RIN3: variants seen among roughly 807,000 people sequenced by gnomAD.
RIN3 encodes the protein RAB5 interacting protein 3.
Under a neutral mutation model 76.3 loss-of-function variants are expected in RIN3, and 54 were observed. The observed-to-expected ratio is 0.71, with a 90% CI of 0.57 to 0.89. The LOEUF is 0.89. RIN3 is among the 40% of genes least tolerant of loss of function. RIN3 has a pLI of 0.00. For synonymous variants in RIN3, 576 were observed against 564.0 expected, an observed-to-expected ratio of 1.02 and a Z score of -0.30; for missense variants, 1,256 against 1,322.1, an observed-to-expected ratio of 0.95 and a Z score of 0.78.
intron 1 of RIN3, among the ~76,000 whole-genome samples, chr14:92,543,532 C>A (rs1049341827): frequency 6.6e-6 from 1 of 151,426 alleles, no homozygotes; most frequent in African/African-American, 2.4e-5. Context: ...AGGTGCAAAC[C>A]TTTAGAGAGC....
intron 4 of RIN3, among the ~76,000 whole-genome samples, chr14:92,626,200 C>A (rs1886346120): frequency 6.6e-6 from 1 of 152,154 alleles, no homozygotes; most frequent in African/African-American, 2.4e-5. Context: ...TTGTTATTAT[C>A]CCATTGAGGA....
rs1051459457 is a variant in RIN3, at chr14:92,513,960, C to G, written c.28C>G (p.Arg10Gly). The change falls in exon 1 of 10, where the codon CGC becomes GGC. Residue 10 changes from arginine to glycine, a missense_variant. Around this residue, in one of 3 missense-constraint regions of RIN3, gnomAD observed 610 missense variants for 626.4 expected, o/e 0.97. Transcript: ENST00000216487. ...GATCCGACACGCCGGGGCGCCCGCG[C>G]GCGGGGACCCCACGGGGTAAGTCCG... MIRHAGAPA[R>G]GDPTGPVPVV... 1.6e-6 allele frequency: 2 copies of G among 1,243,860 alleles called. No homozygotes were observed. Among genetic ancestry groups the G allele is most frequent in the African/African-American group, 1.6e-5 (1 of 63,980 alleles). 77.1% of individuals were successfully genotyped at this position (1,243,860 alleles called of 1,614,324 possible). A position where few individuals can be genotyped will look rare whatever the true frequency, so the allele number is the denominator to read the frequency against.
At chr14:92,557,230 TAGG>T in intron 2 of RIN3, among the ~76,000 whole-genome samples, 1 of 152,318 alleles carries the variant, frequency 6.6e-6, no homozygotes, top group Non-Finnish European at 1.5e-5. Flanking sequence ...CCCTAGGAGG[TAGG>T]TGTTGCCACC....
intron 4 of RIN3, among the ~76,000 whole-genome samples, chr14:92,629,509 GAAGTA>G (rs985197882): frequency 1.3e-5 from 2 of 152,222 alleles, no homozygotes; most frequent in Admixed American, 6.5e-5. Flanking sequence ...TGAAGAGTAT[GAAGTA>G]AAGATACAAA....
At chr14:92,667,093 T>C (rs570953938) in intron 7 of RIN3, among the ~76,000 whole-genome samples, 119 of 151,096 alleles carry the variant, frequency 7.9e-4, no homozygotes, top group African/African-American at 2.7e-3. Flanking sequence ...CGCAGAGGAA[T>C]TGGATGGGAG....
chr14:92,588,253 G>A (rs932963310), intron 3 of RIN3, among the ~76,000 whole-genome samples: 1 of 94,666 alleles, frequency 1.1e-5, no homozygotes, highest in African/African-American at 4.1e-5. Context: ...TTGAGATGGA[G>A]TTTCGCTCTT....
At chr14:92,675,696 G>A (rs1278521875) in intron 7 of RIN3, among the ~76,000 whole-genome samples, 1 of 152,208 alleles carries the variant, frequency 6.6e-6, no homozygotes, top group Non-Finnish European at 1.5e-5. Flanking sequence ...ATTCTATTCT[G>A]GTCAGAATTC....
chr14:92,564,813 C>T lies in RIN3; in HGVS notation c.249+8858C>T, dbSNP rs772533334. Among the ~76,000 whole-genome samples, 11 of 151,660 alleles carry T rather than the reference C, an allele frequency of 7.3e-5. No individual in the cohort carries two copies. In the South Asian group the frequency reaches 8.3e-4, roughly 11 times the overall value. ...AGTGAGGGATGAAAAATGGAGGAAA[C>T]GCGCACACACACGCGCGCGCGCAGG... On this transcript the variant is annotated intron_variant, in intron 2 of 9. Coordinates refer to ENST00000216487, the MANE Select transcript of RIN3 (RefSeq NM_024832.5).
At chr14:92,581,581 C>T (rs1274984520) in intron 3 of RIN3, among the ~76,000 whole-genome samples, 7 of 152,130 alleles carry the variant, frequency 4.6e-5, no homozygotes, top group Admixed American at 2.0e-4. Context: ...GTTCTGCCCA[C>T]GTCCTTTGCG....
intron 5 of RIN3, chr14:92,644,871 G>A (rs375695846): frequency 5.9e-5 from 9 of 152,208 alleles, no homozygotes; most frequent in African/African-American, 7.2e-5. Context: ...AAAGAGCAGC[G>A]TTTGTCAAGG....
chr14:92,594,537 A>G (rs368318629), intron 3 of RIN3, among the ~76,000 whole-genome samples: 19 of 152,350 alleles, frequency 1.2e-4, no homozygotes, highest in African/African-American at 4.6e-4. Context: ...ATCCAAAAGT[A>G]CTTGGAGATT....
chr14:92,678,603 C>T (rs572938252), intron 8 of RIN3, among the ~76,000 whole-genome samples: 1 of 151,300 alleles, frequency 6.6e-6, no homozygotes, highest in South Asian at 2.1e-4. Flanking sequence ...ATCCACATAT[C>T]CATCTACCCA....
chr14:92,647,784 C>T (rs1480763493), intron 5 of RIN3, among the ~76,000 whole-genome samples: 1 of 152,194 alleles, frequency 6.6e-6, no homozygotes, highest in Non-Finnish European at 1.5e-5. Context: ...TCAGGACCTA[C>T]AGCCCAGCCT....
At chr14:92,615,305 G>A (rs1034547180) in intron 3 of RIN3, 102 bp from the exon 4 acceptor site, 5 of 919,548 alleles carry the variant, frequency 5.4e-6, no homozygotes, top group Admixed American at 1.7e-5. Flanking sequence ...CCCAGAATGT[G>A]TGCAGCAGAC....
chr14:92,678,586 T>C (rs1227532330), intron 8 of RIN3, among the ~76,000 whole-genome samples: 3 of 148,224 alleles, frequency 2.0e-5, no homozygotes, highest in Non-Finnish European at 4.5e-5. Flanking sequence ...CACATATTCA[T>C]CTACCCATCC....
At chr14:92,634,913 C>T (rs1886721465) in intron 4 of RIN3, among the ~76,000 whole-genome samples, 1 of 151,532 alleles carries the variant, frequency 6.6e-6, no homozygotes, top group South Asian at 2.1e-4. Flanking sequence ...GCTAGGGACT[C>T]TTGGTTGGAA....
At chr14:92,574,582 C>T (rs1235009048) in intron 2 of RIN3, among the ~76,000 whole-genome samples, 1 of 152,110 alleles carries the variant, frequency 6.6e-6, no homozygotes, top group Non-Finnish European at 1.5e-5. Flanking sequence ...GATTTGGGGG[C>T]TGCTTTTTGT....
chr14:92,673,052 C>G (rs1263060900), intron 7 of RIN3, among the ~76,000 whole-genome samples: 1 of 151,844 alleles, frequency 6.6e-6, no homozygotes, highest in Non-Finnish European at 1.5e-5. Context: ...GAGGCTGAGG[C>G]AGGTGGATCA....
chr14:92,652,203 C>T lies in RIN3; in HGVS notation c.1154C>T (p.Ala385Val), dbSNP rs1595485323. 1 of 1,606,152 alleles carries T rather than the reference C, an allele frequency of 6.2e-7. No homozygotes were observed. Among genetic ancestry groups the T allele is most frequent in the East Asian group, 2.2e-5 (1 of 44,700 alleles). Residue 385 changes from alanine (A) to valine (V), a missense_variant, in exon 6 of 10, where the codon GCC (alanine) becomes GTC (valine). This residue lies in a region of RIN3 where 610 missense variants were observed against 626.4 expected (regional missense o/e 0.97). Coordinates refer to ENST00000216487, the MANE Select transcript of RIN3 (RefSeq NM_024832.5). This position sits in a 1 kb window ranked among gnomAD's most constrained non-coding sequence, Gnocchi z 6.4. The part of the protein sequence containing the change: ...PLPAKKNLPT[A>V]PPRRRVSERV... ...CCTGCGAAGAAGAACCTTCCCACTG[C>T]CCCTCCCAGACGCCGCGTTTCCGAG...
Sources: gnomAD v4.1 joint callset for allele counts (sites outside exome capture counted in the v4.1 genomes callset) on GRCh38, gnomAD v4.1.1 for gene constraint, gnomAD v4.1.1 regional missense constraint, Gnocchi (gnomAD v3.1) non-coding constraint, MANE v1.5 for transcripts, NCBI Gene and HGNC (gene_info 2026-07-23, HGNC 2026-07-21) for gene names.